The following COMMD1 variants were observed in gnomAD, a reference collection of about 807,000 sequenced individuals.
COMMD1 encodes copper metabolism domain containing 1.
A neutral mutation model predicts 17.2 loss-of-function variants in COMMD1; 10 were observed. The observed-to-expected ratio is 0.58, with a 90% CI of 0.36 to 0.99. COMMD1 has a LOEUF of 0.99. Among genes scored for constraint, COMMD1 ranks in the 50% least tolerant of loss-of-function variants. COMMD1 has a pLI of 0.01. For synonymous variants in COMMD1, 97 were observed against 91.6 expected (o/e 1.06, Z -0.34); for missense variants, 270 against 231.8 (o/e 1.17, Z -1.07).
chr2:61,993,455 C>G (rs1668651910), intron 1 of COMMD1, among the ~76,000 whole-genome samples: 1 of 152,302 alleles, frequency 6.6e-6, no homozygotes, highest in East Asian at 1.9e-4. Context: ...AGGCTTTACT[C>G]CATAATTCCT....
chr2:61,914,734 A>C (rs1386098829), intron 1 of COMMD1, among the ~76,000 whole-genome samples: 6 of 151,760 alleles, frequency 4.0e-5, no homozygotes, highest in South Asian at 2.1e-4. Flanking sequence ...TCTGTTGCCC[A>C]GGCTGGAGTG....
At chr2:61,960,045 A>G (rs1304658597) in intron 1 of COMMD1, among the ~76,000 whole-genome samples, 2 of 152,174 alleles carry the variant, frequency 1.3e-5, no homozygotes, top group Non-Finnish European at 2.9e-5. Context: ...GGCATGGACT[A>G]TGGACTGGGG....
chr2:61,921,437 ATTTTGT>A (rs1224633978), intron 1 of COMMD1, among the ~76,000 whole-genome samples: 2 of 151,954 alleles, frequency 1.3e-5, no homozygotes, highest in Non-Finnish European at 2.9e-5. Flanking sequence ...ACCCAGTATT[ATTTTGT>A]TTTTGTTTTT....
At chr2:62,105,106 CAA>C (rs988595943) in intron 2 of COMMD1, among the ~76,000 whole-genome samples, 2 of 117,874 alleles carry the variant, frequency 1.7e-5, no homozygotes, top group Non-Finnish European at 3.6e-5. Context: ...GCCTGGGCAA[CAA>C]GAGCAAAACT....
At chr2:61,974,965 A>T (rs1558543950) in intron 1 of COMMD1, among the ~76,000 whole-genome samples, 1 of 151,852 alleles carries the variant, frequency 6.6e-6, no homozygotes. Context: ...GCAATCACTG[A>T]TCTCTTTACC....
intron 1 of COMMD1, among the ~76,000 whole-genome samples, chr2:61,956,277 G>A (rs1020558617): frequency 6.6e-6 from 1 of 152,160 alleles, no homozygotes; most frequent in African/African-American, 2.4e-5. Flanking sequence ...AAATCAGTTG[G>A]TTGTTTATTT....
At chr2:62,097,602 C>CT (rs1415427133) in intron 2 of COMMD1, among the ~76,000 whole-genome samples, 1 of 152,096 alleles carries the variant, frequency 6.6e-6, no homozygotes, top group African/African-American at 2.4e-5. Flanking sequence ...CTAGGAAATC[C>CT]TGTTGTAGTA....
At chr2:62,017,398 T>TGA (rs1344363566) in intron 2 of COMMD1, among the ~76,000 whole-genome samples, 2 of 152,222 alleles carry the variant, frequency 1.3e-5, no homozygotes, top group Admixed American at 6.5e-5. Context: ...CTGGGTGCAA[T>TGA]GGCTCATGCC....
chr2:62,091,034 G>T (rs764045706), intron 2 of COMMD1, among the ~76,000 whole-genome samples: 8 of 152,178 alleles, frequency 5.3e-5, no homozygotes, highest in South Asian at 2.1e-4. Flanking sequence ...TTTTCCACAG[G>T]TGTTTGGATT....
chr2:62,061,356 GTTAAC>G (rs1670848984), intron 2 of COMMD1, among the ~76,000 whole-genome samples: 1 of 151,940 alleles, frequency 6.6e-6, no homozygotes, highest in South Asian at 2.1e-4. Context: ...TTCGGAGGCA[GTTAAC>G]TTGACTGAGT....
intron 2 of COMMD1, among the ~76,000 whole-genome samples, chr2:62,062,569 C>G (rs1381229672): frequency 6.6e-6 from 1 of 151,972 alleles, no homozygotes; most frequent in Non-Finnish European, 1.5e-5. Context: ...CAGTTCCTGA[C>G]CAGTGGTTTT....
At chr2:62,017,764 A>G (rs1049774340) in intron 2 of COMMD1, among the ~76,000 whole-genome samples, 3 of 151,864 alleles carry the variant, frequency 2.0e-5, no homozygotes, top group African/African-American at 7.3e-5. Flanking sequence ...CAGGCTGGGC[A>G]TGGTGGCTCA....
intron 2 of COMMD1, among the ~76,000 whole-genome samples, chr2:62,122,166 G>C (rs373406751): frequency 1.1e-4 from 16 of 152,182 alleles, no homozygotes; most frequent in Admixed American, 8.5e-4. Context: ...AACTTTGAGT[G>C]TTTATATAAC....
intron 1 of COMMD1, among the ~76,000 whole-genome samples, chr2:61,963,773 T>C (rs1375768477): frequency 6.6e-6 from 1 of 152,210 alleles, no homozygotes; most frequent in African/African-American, 2.4e-5. Context: ...TGGTAGTTTG[T>C]ATCAGAATTG....
At chr2:61,947,390 T>G (rs759024534) in intron 1 of COMMD1, among the ~76,000 whole-genome samples, 3 of 152,144 alleles carry the variant, frequency 2.0e-5, no homozygotes, top group Admixed American at 1.3e-4. Context: ...TTAAAAAAAT[T>G]TGTACTTTTA....
At chr2:62,085,616 T>A (rs113604324) in intron 2 of COMMD1, among the ~76,000 whole-genome samples, 35 of 152,058 alleles carry the variant, frequency 2.3e-4, no homozygotes, top group African/African-American at 8.0e-4. Flanking sequence ...GGTGAGAGGA[T>A]CATTTGAGCC....
At chr2:62,056,801 C>T (rs1670716384) in intron 2 of COMMD1, among the ~76,000 whole-genome samples, 1 of 152,162 alleles carries the variant, frequency 6.6e-6, no homozygotes, top group Admixed American at 6.6e-5. Flanking sequence ...CCAGTGGAAT[C>T]GACTTTGTCC....
At chr2:61,968,187 C>G (rs1479835094) in intron 1 of COMMD1, among the ~76,000 whole-genome samples, 2 of 151,984 alleles carry the variant, frequency 1.3e-5, no homozygotes, top group Admixed American at 6.6e-5. Context: ...ACAAAAGCCG[C>G]TTGGTGCCAA....
intron 1 of COMMD1, among the ~76,000 whole-genome samples, chr2:61,924,432 G>A (rs1057113228): frequency 1.6e-4 from 24 of 150,328 alleles, no homozygotes; most frequent in Non-Finnish European, 3.1e-4. Context: ...AGAGGCATAT[G>A]GTGGGGGGTC....
Sources: allele counts gnomAD v4.1 joint callset (sites outside exome capture counted in the v4.1 genomes callset), GRCh38; gene constraint gnomAD v4.1.1; transcripts MANE v1.5; gene names NCBI Gene and HGNC (gene_info 2026-07-23, HGNC 2026-07-21).